The following PAX3 variants were observed in gnomAD, a reference collection of about 807,000 sequenced individuals.
PAX3 encodes paired box 3.
Under a neutral mutation model 51.6 loss-of-function variants are expected in PAX3, and 14 were observed. That is an observed-to-expected ratio of 0.27 (90% CI 0.18 to 0.42). PAX3 has a LOEUF of 0.42. Ranked by LOEUF, PAX3 falls within the 10% of genes least tolerant of loss-of-function variation. The pLI, the probability that PAX3 is intolerant of heterozygous loss-of-function variation, is 1.00. For synonymous variants in PAX3, 280 were observed against 253.4 expected (o/e 1.11, Z -1.00); for missense variants, 540 against 642.8 (o/e 0.84, Z 1.73).
chr2:222,243,604 T>C (rs532811359), intron 4 of PAX3, among the ~76,000 whole-genome samples: 6 of 152,348 alleles, frequency 3.9e-5, no homozygotes, highest in African/African-American at 1.2e-4. Flanking sequence ...CTAGATATGT[T>C]ATTTACTAAG....
Position 222,200,940 on chromosome 2 carries a change from G to T in PAX3, c.*468C>A, listed in dbSNP as rs1691262249. 4.7e-5 allele frequency: 27 copies of T among 571,634 alleles called. No homozygotes were observed. Among genetic ancestry groups the T allele is most frequent in the South Asian group, 4.2e-4 (20 of 47,374 alleles). 35.4% of individuals were successfully genotyped at this position (571,634 alleles called of 1,614,324 possible). A position where few individuals can be genotyped will look rare whatever the true frequency, so the allele number is the denominator to read the frequency against. On this transcript the variant is annotated 3_prime_UTR_variant, in exon 9 of 9. Transcript: ENST00000392070. ...AATGAGCAGTTTTAAAGTTGTAGAA[G>T]TATCAGCATCGAACATCGACATGTT...
chr2:222,227,877 C>G (rs932911023), intron 5 of PAX3, among the ~76,000 whole-genome samples: 2 of 152,144 alleles, frequency 1.3e-5, no homozygotes, highest in African/African-American at 4.8e-5. Context: ...CTGACAGAGG[C>G]TAAAGTTATT....
chr2:222,289,350 TTC>T (rs1043284397), intron 4 of PAX3, among the ~76,000 whole-genome samples: 2 of 150,810 alleles, frequency 1.3e-5, no homozygotes, highest in Non-Finnish European at 2.9e-5. Flanking sequence ...TTTGTTGTTG[TTC>T]TCAAAATATA....
intron 7 of PAX3, among the ~76,000 whole-genome samples, chr2:222,206,807 A>T (rs1691528899): frequency 6.6e-6 from 1 of 152,172 alleles, no homozygotes; most frequent in South Asian, 2.1e-4. Context: ...CACAAGCATT[A>T]TGGTTTTCCC....
intron 1 of PAX3, among the ~76,000 whole-genome samples, chr2:222,297,443 CA>C (rs1331670619): frequency 6.6e-6 from 1 of 152,174 alleles, no homozygotes; most frequent in Non-Finnish European, 1.5e-5. Flanking sequence ...GCAAATGGGG[CA>C]AAATAATTCT....
chr2:222,294,564 G>A (rs996493988), intron 3 of PAX3, among the ~76,000 whole-genome samples: 7 of 151,888 alleles, frequency 4.6e-5, no homozygotes, highest in Non-Finnish European at 1.0e-4. Context: ...CCAAGTTAGG[G>A]CCGGATGCCA....
At position 222,201,304 on chromosome 2, in the gene PAX3, C is replaced by G. The variant is rs1458771996; in HGVS notation, c.*104G>C. 1 of 1,612,884 alleles carries G rather than the reference C, an allele frequency of 6.2e-7. No homozygotes were observed. Among genetic ancestry groups the G allele is most frequent in the Non-Finnish European group, 8.5e-7 (1 of 1,179,656 alleles). On this transcript the variant is annotated 3_prime_UTR_variant, in exon 9 of 9. Coordinates refer to ENST00000392070, the MANE Select transcript of PAX3 (RefSeq NM_181458.4). Reference sequence around the variant, plus strand: ...CTATTGGGACCACTGCCCCACCCCCCCCAACAAAAGGGTAATTTTTTTTTG... The same window carrying G: ...CTATTGGGACCACTGCCCCACCCCCGCCAACAAAAGGGTAATTTTTTTTTG...
chr2:222,212,296 G>GAGTTACTT (rs1252022636), intron 7 of PAX3, among the ~76,000 whole-genome samples: 2 of 152,104 alleles, frequency 1.3e-5, no homozygotes, highest in African/African-American at 4.8e-5. Context: ...GAAAAAAGAA[G>GAGTTACTT]AGTTACTTCT....
At chr2:222,208,679 C>T (rs915173714) in intron 7 of PAX3, among the ~76,000 whole-genome samples, 2 of 152,168 alleles carry the variant, frequency 1.3e-5, no homozygotes, top group African/African-American at 2.4e-5. Flanking sequence ...GTGCTCAAAC[C>T]TATCACTGTT....
intron 4 of PAX3, among the ~76,000 whole-genome samples, chr2:222,290,941 GAGA>G (rs1201088881): frequency 2.0e-5 from 3 of 151,708 alleles, no homozygotes; most frequent in African/African-American, 7.3e-5. Context: ...AAAAAAAGAG[GAGA>G]AGAAGGGGGG....
chr2:222,296,938 C>A, intron 2 of PAX3, 40 bp downstream of exon 2: 2 of 1,531,878 alleles, frequency 1.3e-6, no homozygotes, highest in Non-Finnish European at 1.8e-6. Context: ...CACAGGGGAC[C>A]ACAGTCTGGG....
chr2:222,282,755 G>A (rs1694690892), intron 4 of PAX3, among the ~76,000 whole-genome samples: 1 of 152,156 alleles, frequency 6.6e-6, no homozygotes, highest in South Asian at 2.1e-4. Flanking sequence ...GGAAAAAGTA[G>A]AATTTTTAAA....
chr2:222,293,911 A>G, intron 4 of PAX3: 2 of 1,553,650 alleles, frequency 1.3e-6, no homozygotes, highest in South Asian at 1.2e-5. Context: ...TCACAGTTCT[A>G]GAATCCCAGG....
rs1010644534 is a variant in PAX3, at chr2:222,263,731, G to A, written c.586+30436C>T. On this transcript the variant is annotated intron_variant, in intron 4 of 8. Coordinates refer to ENST00000392070, the MANE Select transcript of PAX3 (RefSeq NM_181458.4). Reference sequence around the variant, plus strand: ...AGGAAATAGCCAAAACCCTCAACTGGTTGTTTTTCCTCAACAGGTGAATGG... The same window carrying A: ...AGGAAATAGCCAAAACCCTCAACTGATTGTTTTTCCTCAACAGGTGAATGG... The A allele has an allele frequency of 7.9e-5, 12 of 152,244 alleles. No homozygotes were observed. The East Asian group carries it at 2.3e-3, about 29-fold the overall frequency. The allele number at this position is 152,244 out of a possible 1,614,324, so 9.4% of individuals were successfully genotyped here.
At chr2:222,201,700 T>C (rs1441659753) in intron 8 of PAX3, 1 of 1,452,652 alleles carries the variant, frequency 6.9e-7, no homozygotes, top group Non-Finnish European at 9.0e-7. Context: ...CCTTGTGTTT[T>C]ACCTAGTGGC....
intron 2 of PAX3, among the ~76,000 whole-genome samples, chr2:222,296,722 C>T (rs190812445): frequency 6.6e-6 from 1 of 152,280 alleles, no homozygotes; most frequent in East Asian, 1.9e-4. Context: ...ATGAGGATTG[C>T]AAGGCTTATG....
chr2:222,228,335 G>A (rs1266674567), intron 5 of PAX3, among the ~76,000 whole-genome samples: 1 of 152,174 alleles, frequency 6.6e-6, no homozygotes, highest in Non-Finnish European at 1.5e-5. Context: ...GCTTCGAAGA[G>A]GAGGTCACTA....
chr2:222,276,443 C>A (rs1284565968), intron 4 of PAX3, among the ~76,000 whole-genome samples: 1 of 152,166 alleles, frequency 6.6e-6, no homozygotes, highest in East Asian at 1.9e-4. Flanking sequence ...TATGAAGGGT[C>A]CCGGTCCTCT....
chr2:222,290,100 C>A (rs1391302683), intron 4 of PAX3, among the ~76,000 whole-genome samples: 2 of 152,194 alleles, frequency 1.3e-5, no homozygotes, highest in Non-Finnish European at 2.9e-5. Flanking sequence ...TGCTCACTAA[C>A]CGGGAAAGAA....
Sources: allele counts gnomAD v4.1 joint callset (sites outside exome capture counted in the v4.1 genomes callset), GRCh38; gene constraint gnomAD v4.1.1; transcripts MANE v1.5; gene names NCBI Gene and HGNC (gene_info 2026-07-23, HGNC 2026-07-21).